Variants in SLC35F4 observed in about 807,000 individuals in gnomAD.
SLC35F4 encodes the protein solute carrier family 35 member F4.
SLC35F4 carries 24 observed loss-of-function variants against 44.2 expected under a neutral mutation model. That is an observed-to-expected ratio of 0.54 (90% CI 0.39 to 0.76). The LOEUF is 0.76. SLC35F4 is among the 30% of genes least tolerant of loss of function. The probability of loss-of-function intolerance (pLI) is 0.00; values close to 1 mark genes in which losing one functional copy is unlikely to be tolerated. For synonymous variants in SLC35F4, 238 were observed against 223.6 expected, an observed-to-expected ratio of 1.06 and a Z score of -0.57; for missense variants, 562 against 586.1, an observed-to-expected ratio of 0.96 and a Z score of 0.42.
chr14:57,856,471 C>G (rs1746600342), intron 1 of SLC35F4, among the ~76,000 whole-genome samples: 1 of 151,944 alleles, frequency 6.6e-6, no homozygotes, highest in Non-Finnish European at 1.5e-5. Context: ...AATGTTAAAT[C>G]CAAGTATTAG....
chr14:57,630,972 G>A (rs186041748), intron 1 of SLC35F4: 36 of 435,486 alleles, frequency 8.3e-5, no homozygotes, highest in Non-Finnish European at 9.5e-5. Context: ...AAAAGATGTG[G>A]TTGACCATAA....
chr14:57,653,711 G>A (rs2073865205), intron 1 of SLC35F4, among the ~76,000 whole-genome samples: 2 of 152,208 alleles, frequency 1.3e-5, no homozygotes, highest in Admixed American at 6.5e-5. Context: ...GGTGTTTGCT[G>A]CCAATGTGCA....
At chr14:57,692,569 T>G (rs748754354) in intron 1 of SLC35F4, among the ~76,000 whole-genome samples, 2 of 152,158 alleles carry the variant, frequency 1.3e-5, no homozygotes, top group Non-Finnish European at 2.9e-5. Context: ...TTCAAGAGAT[T>G]CCCTGGCACT....
intron 1 of SLC35F4, among the ~76,000 whole-genome samples, chr14:57,942,874 C>T (rs910337): frequency 0.39 from 58,781 of 152,002 alleles, 13,252 homozygotes; most frequent in East Asian, 0.78. Context: ...GCCAGTGAGA[C>T]GGTTGGGGTA....
Position 57,856,300 on chromosome 14 carries a change from C to A in SLC35F4, c.103+9423G>T, listed in dbSNP as rs879637977. On this transcript the variant is annotated intron_variant, in intron 1 of 7. Coordinates refer to ENST00000556826, the MANE Select transcript of SLC35F4 (RefSeq NM_001306087.2). ...CAAAACTGCACATTCTGCACATGTA[C>A]CCCAGAACTTAAAGTATGTTAAAAA... is the stretch of plus-strand genomic sequence containing the variant. Among the ~76,000 whole-genome samples, 35 of 151,908 alleles carry A rather than the reference C, an allele frequency of 2.3e-4. 1 individual carries two copies. Among genetic ancestry groups the A allele is most frequent in the Admixed American group, 2.3e-3 (35 of 15,266 alleles).
At chr14:57,793,232 C>T (rs2077971010) in intron 1 of SLC35F4, among the ~76,000 whole-genome samples, 1 of 151,794 alleles carries the variant, frequency 6.6e-6, no homozygotes, top group Non-Finnish European at 1.5e-5. Context: ...TTTTTATGCT[C>T]ATTTTTTAAA....
chr14:57,908,770 A>G (rs1889158758), intron 1 of SLC35F4, among the ~76,000 whole-genome samples: 2 of 152,216 alleles, frequency 1.3e-5, no homozygotes, highest in Admixed American at 6.5e-5. Flanking sequence ...TTTGCTGTGC[A>G]GAAGCTCTTT....
At chr14:57,578,214 T>TAAGCA (rs905527124) in intron 4 of SLC35F4, among the ~76,000 whole-genome samples, 19 of 151,094 alleles carry the variant, frequency 1.3e-4, no homozygotes, top group African/African-American at 4.1e-4. Context: ...CCTGGGGAGC[T>TAAGCA]AAGCATATGA....
intron 1 of SLC35F4, among the ~76,000 whole-genome samples, chr14:57,843,199 C>T (rs536806406): frequency 5.9e-5 from 9 of 152,244 alleles, no homozygotes; most frequent in African/African-American, 2.2e-4. Flanking sequence ...TGAGTTAATA[C>T]TCCTTAATAA....
intron 1 of SLC35F4, among the ~76,000 whole-genome samples, chr14:57,796,045 G>C (rs1210831216): frequency 6.6e-6 from 1 of 152,152 alleles, no homozygotes; most frequent in Non-Finnish European, 1.5e-5. Flanking sequence ...AGAACATGCA[G>C]TGTTTGGTTT....
intron 1 of SLC35F4, among the ~76,000 whole-genome samples, chr14:57,873,092 C>T (rs1317686935): frequency 3.9e-5 from 6 of 152,168 alleles, no homozygotes; most frequent in Admixed American, 3.9e-4. Flanking sequence ...GTGATACGGG[C>T]TGTATAAACC....
intron 1 of SLC35F4, among the ~76,000 whole-genome samples, chr14:57,798,891 G>A (rs1188443847): frequency 6.6e-6 from 1 of 152,196 alleles, no homozygotes; most frequent in Admixed American, 6.5e-5. Context: ...AAATGAAGCA[G>A]AGAAGATAAG....
At chr14:57,760,777 T>C (rs2077105384) in intron 1 of SLC35F4, among the ~76,000 whole-genome samples, 1 of 152,212 alleles carries the variant, frequency 6.6e-6, no homozygotes, top group South Asian at 2.1e-4. Flanking sequence ...CCTGCTGGTG[T>C]GAATAAGCAT....
At chr14:57,824,811 T>C (rs1883550639) in intron 1 of SLC35F4, among the ~76,000 whole-genome samples, 1 of 151,744 alleles carries the variant, frequency 6.6e-6, no homozygotes, top group African/African-American at 2.4e-5. Context: ...AAGTGTAGAT[T>C]ATTCAGGGCC....
chr14:57,887,719 C>T (rs913359105), intron 1 of SLC35F4, among the ~76,000 whole-genome samples: 1 of 152,162 alleles, frequency 6.6e-6, no homozygotes, highest in African/African-American at 2.4e-5. Flanking sequence ...AGGAAAGTGT[C>T]AGAGGCAAGG....
intron 1 of SLC35F4, among the ~76,000 whole-genome samples, chr14:57,703,348 T>C (rs1436962436): frequency 6.6e-6 from 1 of 152,154 alleles, no homozygotes; most frequent in African/African-American, 2.4e-5. Flanking sequence ...CCTGGACAAA[T>C]GACAATTTGC....
intron 1 of SLC35F4, among the ~76,000 whole-genome samples, chr14:57,640,408 G>C (rs1049713783): frequency 6.6e-6 from 1 of 152,028 alleles, no homozygotes; most frequent in Non-Finnish European, 1.5e-5. Flanking sequence ...CAAGCCAAGA[G>C]AACACATGAG....
At chr14:57,892,096 A>G (rs2141039587) in intron 1 of SLC35F4, among the ~76,000 whole-genome samples, 1 of 152,350 alleles carries the variant, frequency 6.6e-6, no homozygotes, top group Middle Eastern at 3.4e-3. Context: ...TTATTACTCA[A>G]TTCCCTTATC....
At chr14:57,858,504 G>A (rs968681128) in intron 1 of SLC35F4, among the ~76,000 whole-genome samples, 6 of 151,770 alleles carry the variant, frequency 4.0e-5, no homozygotes, top group African/African-American at 1.2e-4. Context: ...CACAGGAAGG[G>A]GAACATCACA....
Sources: gnomAD v4.1 joint callset for allele counts (sites outside exome capture counted in the v4.1 genomes callset) on GRCh38, gnomAD v4.1.1 for gene constraint, MANE v1.5 for transcripts, NCBI Gene and HGNC (gene_info 2026-07-23, HGNC 2026-07-21) for gene names.